STX12: variants seen among roughly 807,000 people sequenced by gnomAD.
The protein encoded by STX12 is syntaxin 12, also known as syntaxin-12.
A neutral mutation model predicts 42.2 loss-of-function variants in STX12; 17 were observed. That is an observed-to-expected ratio of 0.40 (90% CI 0.28 to 0.60). STX12 has a LOEUF of 0.60. STX12 is among the 20% of genes least tolerant of loss of function. The pLI is 0.39. For missense variants in STX12, 297 were observed against 330.9 expected, an observed-to-expected ratio of 0.90 and a Z score of 0.79; for synonymous variants, 108 against 116.7, an observed-to-expected ratio of 0.93 and a Z score of 0.48.
rs916212044 is a variant in STX12 at position 27,801,964 on chromosome 1, T to C, written c.426+149T>C. ...TGGTGTAACCTATGTAAAAAACATA[T>C]ATGCATGTGATCAAAGCCTAGAAAG... On this transcript the variant is annotated intron_variant, in intron 4 of 8. Coordinates refer to ENST00000373943, the MANE Select transcript of STX12 (RefSeq NM_177424.3). The C allele has an allele frequency of 3.4e-5, 26 of 768,122 alleles. No homozygotes were observed. The African/African-American group carries it at 3.9e-4, about 11-fold the overall frequency. The allele number at this position is 768,122 out of a possible 1,614,324, so 47.6% of individuals were successfully genotyped here.
intron 4 of STX12, among the ~76,000 whole-genome samples, chr1:27,809,437 C>T (rs1178948592): frequency 6.7e-6 from 1 of 149,610 alleles, no homozygotes; most frequent in African/African-American, 2.5e-5. Context: ...TGATTAGCAA[C>T]GTTCTCAAAG....
At chr1:27,801,136 C>T (rs1054955383) in intron 3 of STX12, among the ~76,000 whole-genome samples, 3 of 152,162 alleles carry the variant, frequency 2.0e-5, no homozygotes, top group Non-Finnish European at 2.9e-5. Flanking sequence ...CAGTGACTCA[C>T]GCCTGTAATC....
intron 4 of STX12, among the ~76,000 whole-genome samples, chr1:27,805,854 C>CT (rs1490308269): frequency 1.3e-5 from 2 of 152,168 alleles, no homozygotes; most frequent in Admixed American, 1.3e-4. Flanking sequence ...TGTTGATACT[C>CT]TTCTTTGATA....
chr1:27,809,444 A>C (rs2088888105), intron 4 of STX12, among the ~76,000 whole-genome samples: 1 of 150,864 alleles, frequency 6.6e-6, no homozygotes, highest in African/African-American at 2.4e-5. Flanking sequence ...CAACGTTCTC[A>C]AAGATCTCAT....
chr1:27,796,304 T>C (rs2088785377), intron 3 of STX12, among the ~76,000 whole-genome samples: 1 of 152,188 alleles, frequency 6.6e-6, no homozygotes, highest in South Asian at 2.1e-4. Context: ...CAAACCATAC[T>C]CCTACTTTCA....
intron 5 of STX12, 69 bp from the exon 6 acceptor site, chr1:27,812,094 A>G: frequency 1.6e-6 from 2 of 1,263,884 alleles, no homozygotes; most frequent in Non-Finnish European, 2.3e-6. Context: ...CTGGCAGTAG[A>G]GATGTTGGAG....
At chr1:27,810,382 GC>G in intron 5 of STX12, 93 bp downstream of exon 5, 1 of 1,217,038 alleles carries the variant, frequency 8.2e-7, no homozygotes, top group South Asian at 1.3e-5. Flanking sequence ...AAAATAGAGG[GC>G]AAAAATAAGG....
intron 3 of STX12, among the ~76,000 whole-genome samples, chr1:27,795,093 C>A (rs2088774686): frequency 6.6e-6 from 1 of 152,002 alleles, no homozygotes; most frequent in Non-Finnish European, 1.5e-5. Flanking sequence ...GAAGACAAAG[C>A]CTTTCAACTT....
At chr1:27,812,517 CT>C (rs1285970302) in intron 6 of STX12, among the ~76,000 whole-genome samples, 1 of 151,730 alleles carries the variant, frequency 6.6e-6, no homozygotes, top group African/African-American at 2.4e-5. Context: ...TCTTGGCTCA[CT>C]GCAACCTCTG....
rs1426878044 is a variant in STX12 at position 27,812,149 on chromosome 1, C to G, written c.471-14C>G. ...TGAGAGGAGAAATCACCTAGTGTGC[C>G]TGTTTCCCTGCAGCCATGAGGAGTG... On this transcript the variant is annotated splice_polypyrimidine_tract_variant and intron_variant, in intron 5 of 8. Coordinates refer to ENST00000373943, the MANE Select transcript of STX12 (RefSeq NM_177424.3). 6.5e-7 allele frequency: 1 copy of G among 1,550,118 alleles called. No homozygotes were observed. Among genetic ancestry groups the G allele is most frequent in the Non-Finnish European group, 8.7e-7 (1 of 1,145,348 alleles).
intron 1 of STX12, among the ~76,000 whole-genome samples, chr1:27,785,621 G>A (rs1383960835): frequency 1.3e-5 from 2 of 152,128 alleles, no homozygotes; most frequent in Admixed American, 1.3e-4. Flanking sequence ...TGGTGAAAAA[G>A]AGACCCAGTC....
At chr1:27,803,581 C>T (rs1197249456) in intron 4 of STX12, among the ~76,000 whole-genome samples, 1 of 152,032 alleles carries the variant, frequency 6.6e-6, no homozygotes, top group Non-Finnish European at 1.5e-5. Flanking sequence ...GGAAAGTGAT[C>T]TCAGATGGAA....
At chr1:27,780,222 T>C (rs1237944273) in intron 1 of STX12, among the ~76,000 whole-genome samples, 1 of 150,734 alleles carries the variant, frequency 6.6e-6, no homozygotes, top group Non-Finnish European at 1.5e-5. Flanking sequence ...TTTTTTTTTT[T>C]TTTTTGAGAC....
At chr1:27,804,882 T>C (rs556764915) in intron 4 of STX12, among the ~76,000 whole-genome samples, 56 of 152,050 alleles carry the variant, frequency 3.7e-4, no homozygotes, top group Non-Finnish European at 5.1e-4. Flanking sequence ...AAGTATTTAA[T>C]TTATATAGGA....
intron 3 of STX12, among the ~76,000 whole-genome samples, chr1:27,796,159 A>G (rs1397813669): frequency 1.3e-5 from 2 of 152,146 alleles, no homozygotes; most frequent in South Asian, 2.1e-4. Context: ...ATCTACAAAC[A>G]TACTCTCTCT....
chr1:27,819,641 C>T lies in STX12; in HGVS notation c.650-9C>T. 6.2e-7 allele frequency: 1 copy of T among 1,613,050 alleles called. No individual in the cohort carries two copies. The highest frequency in any genetic ancestry group is 8.5e-7 in the Non-Finnish European group (1 of 1,179,276). ...TGTGTTAAAACATCCTCTGTCCTTCCTTTTGCAGATAGCATAGAAGCCAAT... is the reference window on the plus strand; with the variant it reads ...TGTGTTAAAACATCCTCTGTCCTTCTTTTTGCAGATAGCATAGAAGCCAAT... On this transcript the variant is annotated splice_polypyrimidine_tract_variant and intron_variant, in intron 7 of 8. Coordinates refer to ENST00000373943, the MANE Select transcript of STX12 (RefSeq NM_177424.3).
At chr1:27,810,194 G>C in intron 4 of STX12, 52 bp from the exon 5 acceptor site, 3 of 1,569,204 alleles carry the variant, frequency 1.9e-6, no homozygotes, top group Non-Finnish European at 2.6e-6. Flanking sequence ...TGTTTTGTGT[G>C]TCTGTGATGT....
intron 4 of STX12, among the ~76,000 whole-genome samples, chr1:27,804,391 A>G (rs1318083207): frequency 6.6e-6 from 1 of 151,342 alleles, no homozygotes; most frequent in Non-Finnish European, 1.5e-5. Context: ...GCACCATTGC[A>G]CTCCAGCCTG....
rs747323835 is a variant in STX12, at chr1:27,822,526, T to C, written c.*197T>C. ...ATTATCAATTTATTGATTCTATTGA[T>C]TTCTCAAATTAGGAATTAACTTATG... is the stretch of plus-strand genomic sequence containing the variant. On this transcript the variant is annotated 3_prime_UTR_variant, in exon 9 of 9. Transcript: ENST00000373943. 15 of 471,154 alleles carry C rather than the reference T, an allele frequency of 3.2e-5. No homozygotes were observed. The highest frequency in any genetic ancestry group is 4.6e-4 in the Middle Eastern group (1 of 2,182). 29.2% of individuals were successfully genotyped at this position (471,154 alleles called of 1,614,324 possible).
Sources: allele counts gnomAD v4.1 joint callset (sites outside exome capture counted in the v4.1 genomes callset), GRCh38; gene constraint gnomAD v4.1.1; transcripts MANE v1.5; gene names NCBI Gene and HGNC (gene_info 2026-07-23, HGNC 2026-07-21).